Variants in SGMS1 observed in about 807,000 individuals in gnomAD.
SGMS1 encodes the protein sphingomyelin synthase 1.
Under a neutral mutation model 46.2 loss-of-function variants are expected in SGMS1, and 13 were observed. The observed-to-expected ratio is 0.28, with a 90% CI of 0.18 to 0.45. The LOEUF is 0.45. Ranked by LOEUF, SGMS1 falls within the 20% of genes least tolerant of loss-of-function variation. The pLI, the probability that SGMS1 is intolerant of heterozygous loss-of-function variation, is 1.00. For synonymous variants in SGMS1, 203 were observed against 187.8 expected (o/e 1.08, Z -0.66); for missense variants, 324 against 519.9 (o/e 0.62, Z 3.66).
rs749927362 is a variant in SGMS1, at chr10:50,311,281, G to C, written c.876C>G (p.Thr292=). The change falls in exon 9 of 11, where the codon ACC becomes ACG. Residue 292 remains threonine (T), a synonymous_variant. Coordinates refer to ENST00000361781, the MANE Select transcript of SGMS1 (RefSeq NM_147156.4). ...YSGHTVMLTL[T]YLFIKEYSPR... Reference sequence around the variant, plus strand: ...ACTTACACTCTTTGATAAATAAGTAGGTAAGTGTTAGCATGACCGTGTGGC... The same window carrying C: ...ACTTACACTCTTTGATAAATAAGTACGTAAGTGTTAGCATGACCGTGTGGC... 70 of 1,613,460 alleles carry C rather than the reference G, an allele frequency of 4.3e-5. No homozygotes were observed. The highest frequency in any genetic ancestry group is 5.8e-5 in the Non-Finnish European group (69 of 1,179,704).
intron 6 of SGMS1, among the ~76,000 whole-genome samples, chr10:50,410,178 T>C (rs1242531868): frequency 2.0e-5 from 3 of 152,212 alleles, no homozygotes; most frequent in African/African-American, 7.2e-5. Flanking sequence ...AAGCACTCAA[T>C]GACATTCATT....
At chr10:50,409,107 TTTTTA>T (rs1242846834) in intron 6 of SGMS1, among the ~76,000 whole-genome samples, 2 of 152,198 alleles carry the variant, frequency 1.3e-5, no homozygotes, top group Non-Finnish European at 2.9e-5. Flanking sequence ...TTTCCTTTTC[TTTTTA>T]TTTTATTGAT....
At chr10:50,322,918 G>C (rs1847473365) in intron 8 of SGMS1, among the ~76,000 whole-genome samples, 1 of 151,086 alleles carries the variant, frequency 6.6e-6, no homozygotes, top group African/African-American at 2.4e-5. Context: ...GCTATGATGA[G>C]AGTAACATGG....
intron 2 of SGMS1, among the ~76,000 whole-genome samples, chr10:50,560,599 G>T (rs7094143): frequency 6.9e-6 from 1 of 143,934 alleles, no homozygotes; most frequent in Non-Finnish European, 1.5e-5. Flanking sequence ...ATAATATATG[G>T]CATATAATAC....
chr10:50,476,214 C>T (rs1297370733), intron 3 of SGMS1, among the ~76,000 whole-genome samples: 1 of 146,924 alleles, frequency 6.8e-6, no homozygotes, highest in East Asian at 2.1e-4. Context: ...GCATAGGTCG[C>T]AGTGAGCCAA....
chr10:50,406,922 C>T lies in SGMS1; in HGVS notation c.-232+26554G>A, dbSNP rs76761619. On this transcript the variant is annotated intron_variant, in intron 6 of 10. Transcript: ENST00000361781. Reference sequence around the variant, plus strand: ...ATAGAGACAGTGTCTTGCTATGTTGCCCAGGCAGGTCCTGCGCTCCTGGCC... The same window carrying T: ...ATAGAGACAGTGTCTTGCTATGTTGTCCAGGCAGGTCCTGCGCTCCTGGCC... Among the ~76,000 whole-genome samples, 434 of 152,206 alleles carry T rather than the reference C, an allele frequency of 2.9e-3. 3 individuals carry two copies. Among genetic ancestry groups the T allele is most frequent in the African/African-American group, 1.0e-2 (415 of 41,526 alleles).
chr10:50,506,256 C>T (rs528217655), intron 3 of SGMS1, among the ~76,000 whole-genome samples: 1 of 152,296 alleles, frequency 6.6e-6, no homozygotes, highest in East Asian at 1.9e-4. Flanking sequence ...AATTTAATGT[C>T]TGCTCTGCCT....
intron 2 of SGMS1, among the ~76,000 whole-genome samples, chr10:50,570,142 A>C (rs1395701938): frequency 6.6e-6 from 1 of 152,226 alleles, no homozygotes; most frequent in Admixed American, 6.5e-5. Context: ...CCCGAGCAAA[A>C]TGCTGGAAAA....
intron 6 of SGMS1, among the ~76,000 whole-genome samples, chr10:50,381,278 A>AG (rs1228561647): frequency 6.6e-6 from 1 of 151,928 alleles, no homozygotes; most frequent in Non-Finnish European, 1.5e-5. Flanking sequence ...AGAAAAAAAA[A>AG]AAGAAGAAGA....
intron 7 of SGMS1, among the ~76,000 whole-genome samples, chr10:50,341,589 T>C (rs1330592294): frequency 6.6e-6 from 1 of 152,166 alleles, no homozygotes; most frequent in Non-Finnish European, 1.5e-5. Context: ...ACAGAAATCA[T>C]CTAGACTGAG....
intron 3 of SGMS1, among the ~76,000 whole-genome samples, chr10:50,467,485 A>G (rs1837341142): frequency 1.3e-5 from 2 of 152,214 alleles, no homozygotes; most frequent in African/African-American, 4.8e-5. Context: ...TATTTCATGA[A>G]AGACTTTCTC....
chr10:50,533,437 A>G (rs974044085), intron 2 of SGMS1, among the ~76,000 whole-genome samples: 2 of 152,168 alleles, frequency 1.3e-5, no homozygotes, highest in Non-Finnish European at 2.9e-5. Context: ...AAAAGCACTC[A>G]TGAATATTGG....
At chr10:50,419,597 C>A (rs907528353) in intron 6 of SGMS1, among the ~76,000 whole-genome samples, 1 of 151,934 alleles carries the variant, frequency 6.6e-6, no homozygotes, top group African/African-American at 2.4e-5. Flanking sequence ...GTCACTGTGC[C>A]CTAAACATTA....
rs528241795 is a variant in SGMS1 at position 50,605,508 on chromosome 10, C to T, written c.-683-15261G>A. ...ATCAGAGCAAAAGATATGAAAACAC[C>T]GGCTGTTTTCCAACAACCCTGACAG... On this transcript the variant is annotated intron_variant, in intron 1 of 10. Transcript: ENST00000361781. 2.2e-4 allele frequency among the ~76,000 whole-genome samples: 34 copies of T among 152,278 alleles called. 1 individual carries two copies. The South Asian group carries it at 6.4e-3, about 29-fold the overall frequency.
intron 2 of SGMS1, among the ~76,000 whole-genome samples, chr10:50,567,103 C>T (rs368055308): frequency 1.1e-4 from 16 of 152,210 alleles, no homozygotes; most frequent in Middle Eastern, 3.4e-3. Flanking sequence ...CCCGCCACTA[C>T]GCTCAGCTAA....
intron 6 of SGMS1, among the ~76,000 whole-genome samples, chr10:50,391,056 T>C (rs1201888600): frequency 1.3e-5 from 2 of 152,224 alleles, no homozygotes; most frequent in African/African-American, 4.8e-5. Flanking sequence ...GCGTGTAGTT[T>C]GCCCGAGCAT....
intron 2 of SGMS1, among the ~76,000 whole-genome samples, chr10:50,582,671 T>C (rs1376681969): frequency 1.3e-5 from 2 of 152,210 alleles, no homozygotes; most frequent in African/African-American, 4.8e-5. Context: ...CTTAGGAATG[T>C]TCCCTTAAAT....
intron 6 of SGMS1, among the ~76,000 whole-genome samples, chr10:50,399,274 C>T (rs1305824702): frequency 1.3e-5 from 2 of 152,064 alleles, no homozygotes; most frequent in African/African-American, 4.8e-5. Context: ...ATATTCATCC[C>T]TGTACCTTCT....
chr10:50,416,416 C>CTTT (rs1849170814), intron 6 of SGMS1, among the ~76,000 whole-genome samples: 1 of 152,218 alleles, frequency 6.6e-6, no homozygotes, highest in South Asian at 2.1e-4. Context: ...CAAAGCATCT[C>CTTT]AGTGCCTGAT....
Sources: gnomAD v4.1 joint callset for allele counts (sites outside exome capture counted in the v4.1 genomes callset) on GRCh38, gnomAD v4.1.1 for gene constraint, MANE v1.5 for transcripts, NCBI Gene and HGNC (gene_info 2026-07-23, HGNC 2026-07-21) for gene names.